Variants in BNIP3L observed in about 807,000 individuals in gnomAD.
The protein encoded by BNIP3L is BCL2 interacting protein 3 like.
A neutral mutation model predicts 25.5 loss-of-function variants in BNIP3L; 10 were observed. That is an observed-to-expected ratio of 0.39 (90% confidence interval 0.24 to 0.67). The LOEUF is 0.67. BNIP3L is among the 30% of genes least tolerant of loss of function. The pLI is 0.45. For missense variants in BNIP3L, 215 were observed against 270.9 expected, an observed-to-expected ratio of 0.79 and a Z score of 1.45; for synonymous variants, 113 against 101.2, an observed-to-expected ratio of 1.12 and a Z score of -0.70.
At chr8:26,402,735 C>T (rs551869382) in intron 3 of BNIP3L, among the ~76,000 whole-genome samples, 35 of 152,008 alleles carry the variant, frequency 2.3e-4, no homozygotes, top group Non-Finnish European at 4.6e-4. Context: ...TGAGTCCAGC[C>T]TGGGCAACAT....
rs1411877442 is a variant in BNIP3L at position 26,403,564 on chromosome 8, G to C, written c.358-4436G>C. On this transcript the variant is annotated intron_variant, in intron 3 of 5. Coordinates refer to ENST00000380629, the MANE Select transcript of BNIP3L (RefSeq NM_004331.3). ...TTTTTTTTGGAGACAGCGTCTCAGGGTCTTGCTTTGTCACCCAGGCTGGAG... is the reference window on the plus strand; with the variant it reads ...TTTTTTTTGGAGACAGCGTCTCAGGCTCTTGCTTTGTCACCCAGGCTGGAG... 2.0e-5 allele frequency among the ~76,000 whole-genome samples: 3 copies of C among 149,194 alleles called. No homozygotes were observed. The East Asian group carries it at 5.9e-4, about 29-fold the overall frequency.
intron 3 of BNIP3L, among the ~76,000 whole-genome samples, chr8:26,404,044 C>T (rs1457009993): frequency 6.6e-6 from 1 of 152,182 alleles, no homozygotes; most frequent in Non-Finnish European, 1.5e-5. Context: ...GGAGAGCTCA[C>T]AAAGCCATGA....
At position 26,410,945 on chromosome 8, in the gene BNIP3L, G is replaced by A. The variant is rs1248528846; in HGVS notation, c.*533G>A. Reference sequence around the variant, plus strand: ...AAAACAAAACAAAAAAAAAAGGCAAGGCACAACAAAAAAATATCCTGGGCA... The same window carrying A: ...AAAACAAAACAAAAAAAAAAGGCAAAGCACAACAAAAAAATATCCTGGGCA... On this transcript the variant is annotated 3_prime_UTR_variant, in exon 6 of 6. Transcript: ENST00000380629. The A allele has an allele frequency of 6.6e-6, 1 of 151,064 alleles. No homozygotes were observed. Among genetic ancestry groups the A allele is most frequent in the Non-Finnish European group, 1.5e-5 (1 of 67,928 alleles). 9.4% of individuals were successfully genotyped at this position (151,064 alleles called of 1,614,324 possible).
chr8:26,398,684 A>G (rs1390235773), intron 3 of BNIP3L, among the ~76,000 whole-genome samples: 12 of 144,214 alleles, frequency 8.3e-5, no homozygotes, highest in East Asian at 4.2e-4. Flanking sequence ...TGAATCCAGG[A>G]GCTGGTTTTT....
At chr8:26,402,566 A>T (rs1585438169) in intron 3 of BNIP3L, among the ~76,000 whole-genome samples, 1 of 152,226 alleles carries the variant, frequency 6.6e-6, no homozygotes, top group Non-Finnish European at 1.5e-5. Context: ...ATGCAGCCCC[A>T]GGTTCCCCCA....
rs1806635712 is a variant in BNIP3L, at chr8:26,411,959, TTTCTC to T, written c.*1548_*1552del. 1 of 152,622 alleles carries T rather than the reference TTTCTC, an allele frequency of 6.6e-6. No individual in the cohort carries two copies. The highest frequency in any genetic ancestry group is 2.4e-5 in the African/African-American group (1 of 41,442). The allele number at this position is 152,622 out of a possible 1,614,324, so 9.5% of individuals were successfully genotyped here. ...TTGCCAGTTTGCAGAAACTAACTCT[TTTCTC>T]ACATCAACATTTGTAAAATTGATGT... On this transcript the variant is annotated 3_prime_UTR_variant, in exon 6 of 6. Coordinates refer to ENST00000380629, the MANE Select transcript of BNIP3L (RefSeq NM_004331.3).
At chr8:26,410,159 C>G (rs1052105823) in intron 5 of BNIP3L, among the ~76,000 whole-genome samples, 6 of 152,110 alleles carry the variant, frequency 3.9e-5, no homozygotes, top group African/African-American at 1.4e-4. Context: ...AATGAGTAAA[C>G]AAACTCATAT....
chr8:26,400,512 C>G (rs1325724194), intron 3 of BNIP3L, among the ~76,000 whole-genome samples: 7 of 131,926 alleles, frequency 5.3e-5, no homozygotes, highest in African/African-American at 1.2e-4. Flanking sequence ...TGGGCAAGGA[C>G]TTCATGTCCA....
chr8:26,387,643 T>G (rs191915803), intron 1 of BNIP3L, among the ~76,000 whole-genome samples: 12 of 152,348 alleles, frequency 7.9e-5, no homozygotes, highest in Non-Finnish European at 1.5e-4. Context: ...CTTTTTTATG[T>G]GTTACTCAAA....
At chr8:26,405,800 T>A (rs963100980) in intron 3 of BNIP3L, among the ~76,000 whole-genome samples, 42 of 152,204 alleles carry the variant, frequency 2.8e-4, no homozygotes, top group African/African-American at 1.0e-3. Flanking sequence ...CTCAACACTT[T>A]GGGAGGCTGA....
intron 3 of BNIP3L, among the ~76,000 whole-genome samples, chr8:26,406,061 AT>A (rs56345629): frequency 0.038 from 5,781 of 152,262 alleles, 170 homozygotes; most frequent in South Asian, 0.12. Flanking sequence ...AACTGAATAA[AT>A]AATACTGAAT....
chr8:26,401,568 A>T (rs1009604822), intron 3 of BNIP3L, among the ~76,000 whole-genome samples: 4 of 151,422 alleles, frequency 2.6e-5, no homozygotes, highest in African/African-American at 9.7e-5. Context: ...AATTAAAAAA[A>T]AAAAACAAAA....
chr8:26,386,887 T>C (rs1313318406), intron 1 of BNIP3L, among the ~76,000 whole-genome samples: 1 of 152,204 alleles, frequency 6.6e-6, no homozygotes, highest in African/African-American at 2.4e-5. Flanking sequence ...CAAAAATTTA[T>C]TTATTTATTT....
chr8:26,408,329 G>T lies in BNIP3L; in HGVS notation c.564G>T (p.Val188=). The T allele has an allele frequency of 5.0e-6, 8 of 1,614,196 alleles. No individual in the cohort carries two copies. The highest frequency in any genetic ancestry group is 6.8e-6 in the Non-Finnish European group (8 of 1,180,030). Residue 188 remains valine, a synonymous_variant, in exon 5 of 6, where the codon GTG becomes GTT. Coordinates refer to ENST00000380629, the MANE Select transcript of BNIP3L (RefSeq NM_004331.3). ...TTTTCTCCGCAGAATTTCTGAAGGT[G>T]TTCATTCCATCTCTCTTCCTTTCTC... ...GGIFSAEFLK[V]FIPSLFLSHV...
intron 3 of BNIP3L, among the ~76,000 whole-genome samples, chr8:26,406,229 A>C (rs1806496873): frequency 6.6e-6 from 1 of 152,242 alleles, no homozygotes; most frequent in African/African-American, 2.4e-5. Context: ...CACATGTTAA[A>C]TTCTGACTCA....
chr8:26,401,425 G>A (rs1397823015), intron 3 of BNIP3L, among the ~76,000 whole-genome samples: 1 of 151,746 alleles, frequency 6.6e-6, no homozygotes. Flanking sequence ...GTGGGGAGCG[G>A]GGAGGGGGGA....
At chr8:26,391,706 G>T (rs1425085402) in intron 2 of BNIP3L, among the ~76,000 whole-genome samples, 1 of 152,136 alleles carries the variant, frequency 6.6e-6, no homozygotes, top group East Asian at 1.9e-4. Flanking sequence ...TGGCATAAAT[G>T]CTAATTTATA....
At position 26,383,247 on chromosome 8, in the gene BNIP3L, G is replaced by A; in HGVS notation, c.100+17G>A. ...GCCTCAACAGTGAGTGCGGGGCCGA[G>A]GCTCTGTGAAGGGGATGGGGGAGGA... On this transcript the variant is annotated intron_variant, in intron 1 of 5. Transcript: ENST00000380629. 3.1e-6 allele frequency: 5 copies of A among 1,599,472 alleles called. No homozygotes were observed. Among genetic ancestry groups the A allele is most frequent in the Non-Finnish European group, 2.6e-6 (3 of 1,173,688 alleles).
At chr8:26,393,528 G>A (rs926161375) in intron 2 of BNIP3L, among the ~76,000 whole-genome samples, 1 of 151,634 alleles carries the variant, frequency 6.6e-6, no homozygotes, top group African/African-American at 2.4e-5. Context: ...TCTAATATGT[G>A]CCATGGGTGA....
Sources: allele counts gnomAD v4.1 joint callset (sites outside exome capture counted in the v4.1 genomes callset), GRCh38; gene constraint gnomAD v4.1.1; transcripts MANE v1.5; gene names NCBI Gene and HGNC (gene_info 2026-07-23, HGNC 2026-07-21).